FARS2: variants seen among roughly 807,000 people sequenced by gnomAD.
FARS2 encodes the protein phenylalanyl-tRNA synthetase 2, mitochondrial.
Under a neutral mutation model 46.4 loss-of-function variants are expected in FARS2, and 40 were observed. The ratio of observed to expected loss-of-function variants is 0.86; its 90% CI spans 0.67 to 1.12. The LOEUF (loss-of-function observed/expected upper bound fraction) is 1.12. FARS2 is among the 50% of genes most tolerant of loss of function. The probability of loss-of-function intolerance (pLI) is 0.00; values close to 1 mark genes in which losing one functional copy is unlikely to be tolerated. For missense variants in FARS2, 513 were observed against 567.9 expected, an observed-to-expected ratio of 0.90 and a Z score of 0.98; for synonymous variants, 234 against 214.9, an observed-to-expected ratio of 1.09 and a Z score of -0.78.
intron 1 of FARS2, among the ~76,000 whole-genome samples, chr6:5,270,117 A>G (rs1375539294): frequency 6.6e-6 from 1 of 152,324 alleles, no homozygotes; most frequent in African/African-American, 2.4e-5. Context: ...CTTTTTTTAA[A>G]TCAATTCCTG....
intron 1 of FARS2, among the ~76,000 whole-genome samples, chr6:5,359,030 CT>C (rs397888425): frequency 4.4e-5 from 2 of 45,406 alleles, no homozygotes; most frequent in Admixed American, 2.8e-4. Flanking sequence ...AAAAGATACC[CT>C]TTTTTTTTTT....
intron 1 of FARS2, among the ~76,000 whole-genome samples, chr6:5,299,884 A>C (rs764622149): frequency 6.6e-6 from 1 of 152,170 alleles, no homozygotes; most frequent in African/African-American, 2.4e-5. Flanking sequence ...TACAGATTAT[A>C]GGACTTCTCA....
intron 4 of FARS2, among the ~76,000 whole-genome samples, chr6:5,539,384 G>GTGTGTATGTGTATA: frequency 1.3e-5 from 1 of 79,586 alleles, no homozygotes; most frequent in African/African-American, 4.6e-5. Context: ...TTTTTTTTGT[G>GTGTGTATGTGTATA]TATATATATA....
intron 2 of FARS2, among the ~76,000 whole-genome samples, chr6:5,391,068 G>C (rs1303209340): frequency 1.3e-5 from 2 of 152,226 alleles, no homozygotes; most frequent in Non-Finnish European, 2.9e-5. Flanking sequence ...TAAAGCAGTA[G>C]AAGTGTGTGG....
At chr6:5,355,281 T>G (rs1209906264) in intron 1 of FARS2, among the ~76,000 whole-genome samples, 3 of 152,014 alleles carry the variant, frequency 2.0e-5, no homozygotes, top group African/African-American at 7.2e-5. Flanking sequence ...TTGAATTTAC[T>G]TCTTTCTATT....
chr6:5,647,647 G>C lies in FARS2; in HGVS notation c.1217+34327G>C, dbSNP rs139517602. ...CTTCATTCAGAGGTAAGAGAAGCTT[G>C]TGTTTTATATGTCAAGCACCACACC... On this transcript the variant is annotated intron_variant, in intron 6 of 6. Coordinates refer to ENST00000274680, the MANE Select transcript of FARS2 (RefSeq NM_006567.5). Among the ~76,000 whole-genome samples, 527 of 152,336 alleles carry C rather than the reference G, an allele frequency of 3.5e-3. 3 individuals carry two copies. Among genetic ancestry groups the C allele is most frequent in the African/African-American group, 0.012 (496 of 41,578 alleles).
intron 6 of FARS2, among the ~76,000 whole-genome samples, chr6:5,692,063 C>T (rs1757770056): frequency 6.6e-6 from 1 of 152,148 alleles, no homozygotes; most frequent in South Asian, 2.1e-4. Flanking sequence ...TGGGAGTGAC[C>T]CGATTTTCCA....
intron 5 of FARS2, among the ~76,000 whole-genome samples, chr6:5,567,949 A>G (rs532696190): frequency 1.2e-3 from 179 of 152,328 alleles, no homozygotes; most frequent in Non-Finnish European, 1.0e-3. Context: ...GGATTTTCCT[A>G]TCTCCTCTTC....
intron 5 of FARS2, among the ~76,000 whole-genome samples, chr6:5,558,627 C>G (rs981257014): frequency 6.6e-6 from 1 of 151,986 alleles, no homozygotes; most frequent in Non-Finnish European, 1.5e-5. Flanking sequence ...AACTCTGCCT[C>G]GCGGGTTCAT....
At chr6:5,259,369 C>T (rs548055477), upstream of FARS2, among the ~76,000 whole-genome samples, 1 of 152,310 alleles carries the variant, frequency 6.6e-6, no homozygotes, top group Non-Finnish European at 1.5e-5. Context: ...CTTATTATTA[C>T]ACTCTTTATT....
At chr6:5,544,267 G>C (rs1055892606) in intron 4 of FARS2, among the ~76,000 whole-genome samples, 17 of 152,192 alleles carry the variant, frequency 1.1e-4, no homozygotes, top group African/African-American at 4.1e-4. Flanking sequence ...AAGTAAAGCA[G>C]TCACAGGCTT....
At chr6:5,452,202 G>A (rs978416311) in intron 4 of FARS2, 6 of 152,304 alleles carry the variant, frequency 3.9e-5, no homozygotes, top group Non-Finnish European at 8.8e-5. Context: ...TCTTTGAGGA[G>A]TGAGGTGTAG....
rs532402233 is a variant in FARS2 at position 5,726,725 on chromosome 6, G to C, written c.1218-44566G>C. Among the ~76,000 whole-genome samples, 21 of 152,318 alleles carry C rather than the reference G, an allele frequency of 1.4e-4. No individual in the cohort carries two copies. The South Asian group carries it at 4.3e-3, about 32-fold the overall frequency. On this transcript the variant is annotated intron_variant, in intron 6 of 6. Coordinates refer to ENST00000274680, the MANE Select transcript of FARS2 (RefSeq NM_006567.5). ...GGGCTCCAGAGGGTGGGGCATGTCA[G>C]TTCTTAAAGAACTGCTCTTGATCTG...
intron 5 of FARS2, among the ~76,000 whole-genome samples, chr6:5,597,552 C>T (rs145421607): frequency 0.013 from 1,968 of 152,290 alleles, 54 homozygotes; most frequent in African/African-American, 0.043. Flanking sequence ...AGCTCAGAGC[C>T]GGCCATTTCT....
intron 1 of FARS2, among the ~76,000 whole-genome samples, chr6:5,348,118 C>T (rs967143278): frequency 6.6e-6 from 1 of 152,074 alleles, no homozygotes; most frequent in African/African-American, 2.4e-5. Context: ...CTTTGGCTTC[C>T]CTGTTCATTT....
In FARS2 at chr6:5,696,216, G is replaced by A. The variant is rs192353602; in HGVS notation, c.1218-75075G>A. 5.3e-4 allele frequency among the ~76,000 whole-genome samples: 81 copies of A among 152,292 alleles called. 1 individual carries two copies. Among genetic ancestry groups the A allele is most frequent in the African/African-American group, 1.9e-3 (79 of 41,552 alleles). On this transcript the variant is annotated intron_variant, in intron 6 of 6. Transcript: ENST00000274680. ...AAATATTTTAATATAGGTATTCAAA[G>A]ATACGGGTACTGCAATATTCATTGC... is the stretch of plus-strand genomic sequence containing the variant.
At chr6:5,339,467 C>G (rs1771402452) in intron 1 of FARS2, among the ~76,000 whole-genome samples, 1 of 151,058 alleles carries the variant, frequency 6.6e-6, no homozygotes, top group Non-Finnish European at 1.5e-5. Flanking sequence ...CTCACCTTGT[C>G]AGCCAGGTTG....
chr6:5,509,766 C>T (rs1426114435), intron 4 of FARS2, among the ~76,000 whole-genome samples: 1 of 152,162 alleles, frequency 6.6e-6, no homozygotes, highest in Non-Finnish European at 1.5e-5. Flanking sequence ...GGGATACCTG[C>T]TGGAGTGTGC....
chr6:5,554,204 A>T (rs1477593427), intron 5 of FARS2, among the ~76,000 whole-genome samples: 1 of 152,152 alleles, frequency 6.6e-6, no homozygotes, highest in East Asian at 1.9e-4. Flanking sequence ...TGAATAACTC[A>T]TTTAGTTTAA....
Sources: allele counts gnomAD v4.1 joint callset (sites outside exome capture counted in the v4.1 genomes callset), GRCh38; gene constraint gnomAD v4.1.1; transcripts MANE v1.5; gene names NCBI Gene and HGNC (gene_info 2026-07-23, HGNC 2026-07-21).